MTIF2: variants seen among roughly 807,000 people sequenced by gnomAD.
MTIF2 encodes translation initiation factor IF-2, mitochondrial.
A neutral mutation model predicts 83.5 loss-of-function variants in MTIF2; 71 were observed. The observed-to-expected ratio is 0.85, with a 90% confidence interval of 0.70 to 1.04. MTIF2 has a LOEUF of 1.04. MTIF2 is among the 50% of genes least tolerant of loss of function. MTIF2 has a pLI of 0.00. For synonymous variants in MTIF2, 319 were observed against 287.1 expected, an observed-to-expected ratio of 1.11 and a Z score of -1.12; for missense variants, 957 against 846.5, an observed-to-expected ratio of 1.13 and a Z score of -1.62.
At position 55,262,350 on chromosome 2, in the gene MTIF2, A is replaced by G; in HGVS notation, c.297T>C (p.Ile99=). Residue 99 remains isoleucine (I), a synonymous_variant, in exon 5 of 16, where the codon ATT becomes ATC. Coordinates refer to ENST00000263629, the MANE Select transcript of MTIF2 (RefSeq NM_002453.3). ...KVVEVWIGMT[I]EELARAMEKN... is the part of the protein sequence containing the mutation. ...TTTCCATTGCCCTGGCCAGTTCCTC[A>G]ATAGTCATTCCAATCCATACTTCTA... 1 of 1,613,540 alleles carries G rather than the reference A, an allele frequency of 6.2e-7. No homozygotes were observed. The highest frequency in any genetic ancestry group is 8.5e-7 in the Non-Finnish European group (1 of 1,179,794).
chr2:55,247,827 G>A lies in MTIF2; in HGVS notation c.982-1366C>T, dbSNP rs140048855. 3.0e-3 allele frequency among the ~76,000 whole-genome samples: 463 copies of A among 152,174 alleles called. 3 individuals carry two copies. The highest frequency in any genetic ancestry group is 0.011 in the African/African-American group (451 of 41,516). Reference sequence around the variant, plus strand: ...CTGACACGCCTCCAAATCTGCCTAAGCAGCTTTACATCTACCTACTCATCT... The same window carrying A: ...CTGACACGCCTCCAAATCTGCCTAAACAGCTTTACATCTACCTACTCATCT... On this transcript the variant is annotated intron_variant, in intron 9 of 15. Transcript: ENST00000263629.
rs1676436109 is a variant in MTIF2 at position 55,243,032 on chromosome 2, T to A, written c.1613A>T (p.Tyr538Phe). The A allele has an allele frequency of 1.2e-6, 2 of 1,613,098 alleles. No homozygotes were observed. The highest frequency in any genetic ancestry group is 1.7e-5 in the Admixed American group (1 of 59,682). ...TAGTTCACACTCGTGTGAAGCATCA[T>A]AGGTATCTATAATGTTCAAAATGGC... is the stretch of plus-strand genomic sequence containing the variant. ...VEAILNIIDT[Y>F]DASHECELEL... is the part of the protein sequence containing the mutation. The change falls in exon 13 of 16, where the codon TAT becomes TTT. Residue 538 changes from tyrosine to phenylalanine, a missense_variant. Tyr to Phe is a conservative substitution (Grantham distance 22). This residue lies in a region of MTIF2 where 733 missense variants were observed against 648.7 expected (regional missense o/e 1.13). Coordinates refer to ENST00000263629, the MANE Select transcript of MTIF2 (RefSeq NM_002453.3).
intron 3 of MTIF2, 62 bp from the exon 4 acceptor site, chr2:55,263,927 T>C: frequency 2.4e-6 from 3 of 1,232,508 alleles, no homozygotes; most frequent in Non-Finnish European, 3.5e-6. Flanking sequence ...ATTAATTGGA[T>C]ATTTACTATA....
chr2:55,236,823 TAA>T lies in MTIF2; in HGVS notation c.2012-5_2012-4del, dbSNP rs781177023. Reference sequence around the variant, plus strand: ...GTGTTTCAATGAGGTTAATGAGCCTTAAAAAAGATAATTTAAGGTTAGTATAT... The same window carrying T: ...GTGTTTCAATGAGGTTAATGAGCCTTAAAAGATAATTTAAGGTTAGTATAT... On this transcript the variant is annotated splice_polypyrimidine_tract_variant and splice_region_variant and intron_variant, in intron 15 of 15. Coordinates refer to ENST00000263629, the MANE Select transcript of MTIF2 (RefSeq NM_002453.3). 6.4e-6 allele frequency: 10 copies of T among 1,572,008 alleles called. No individual in the cohort carries two copies. Among genetic ancestry groups the T allele is most frequent in the Non-Finnish European group, 6.9e-6 (8 of 1,165,976 alleles).
At chr2:55,260,064 T>C (rs1231229023) in intron 5 of MTIF2, among the ~76,000 whole-genome samples, 2 of 152,348 alleles carry the variant, frequency 1.3e-5, no homozygotes, top group East Asian at 1.9e-4. Context: ...CAAAGTTTTC[T>C]AGCTATAAAA....
intron 7 of MTIF2, among the ~76,000 whole-genome samples, chr2:55,253,338 T>C (rs55692918): frequency 1.3e-5 from 2 of 152,124 alleles, no homozygotes; most frequent in Admixed American, 6.6e-5. Flanking sequence ...AATAAAAAAA[T>C]TGTAGACTCA....
At chr2:55,240,755 C>T (rs1281175484) in intron 13 of MTIF2, among the ~76,000 whole-genome samples, 2 of 152,024 alleles carry the variant, frequency 1.3e-5, no homozygotes, top group African/African-American at 4.8e-5. Context: ...GTGCCTATAA[C>T]GTGTAAAGCA....
chr2:55,239,968 C>G lies in MTIF2; in HGVS notation c.1870+43G>C, dbSNP rs1239456039. 2.6e-6 allele frequency: 4 copies of G among 1,550,726 alleles called. No individual in the cohort carries two copies. The South Asian group carries it at 4.7e-5, about 18-fold the overall frequency. Reference sequence around the variant, plus strand: ...TGCTTTGAAGTGCTATTTATAGCACCTAATATACTAATTTTTAAAAGTAAC... The same window carrying G: ...TGCTTTGAAGTGCTATTTATAGCACGTAATATACTAATTTTTAAAAGTAAC... On this transcript the variant is annotated intron_variant, in intron 14 of 15. Transcript: ENST00000263629.
At position 55,262,431 on chromosome 2, in the gene MTIF2, T is replaced by TGG; in HGVS notation, c.220-5_220-4insCC. 6.3e-7 allele frequency: 1 copy of TGG among 1,589,910 alleles called. No homozygotes were observed. Among genetic ancestry groups the TGG allele is most frequent in the Non-Finnish European group, 8.6e-7 (1 of 1,165,374 alleles). On this transcript the variant is annotated splice_region_variant and splice_polypyrimidine_tract_variant and intron_variant, in intron 4 of 15. Transcript: ENST00000263629. ...GAGATTTCCATGGTCCTTCTTCCTA[T>TGG]TAAAAAAATCAGAACATATAAACAA...
At chr2:55,239,433 G>A (rs1244639138) in intron 14 of MTIF2, among the ~76,000 whole-genome samples, 1 of 151,944 alleles carries the variant, frequency 6.6e-6, no homozygotes, top group Non-Finnish European at 1.5e-5. Context: ...AAGATATATA[G>A]GAGTTCCTGG....
At position 55,262,385 on chromosome 2, in the gene MTIF2, T is replaced by C. The variant is rs372308152; in HGVS notation, c.262A>G (p.Lys88Glu). The change falls in exon 5 of 16, where the codon AAA becomes GAA. Residue 88 changes from lysine to glutamate, a missense_variant. Physicochemically the swap from Lys to Glu is moderately conservative, Grantham distance 56. Around this residue, in one of 3 missense-constraint regions of MTIF2, gnomAD observed 733 missense variants for 648.7 expected, o/e 1.13. Coordinates refer to ENST00000263629, the MANE Select transcript of MTIF2 (RefSeq NM_002453.3). The stretch of plus-strand genomic sequence containing the variant: ...CCAATCCATACTTCTACCACCTTTT[T>C]AGATTTTGTTGAAGATAACTGAGAT... ...WKSQLSSTKS[K>E]KVVEVWIGMT... 11 of 1,613,724 alleles carry C rather than the reference T, an allele frequency of 6.8e-6. No individual in the cohort carries two copies. The highest frequency in any genetic ancestry group is 6.7e-5 in the East Asian group (3 of 44,838).
chr2:55,265,506 A>G (rs996048765), intron 3 of MTIF2, among the ~76,000 whole-genome samples: 2 of 151,924 alleles, frequency 1.3e-5, no homozygotes, highest in Admixed American at 1.3e-4. Flanking sequence ...TATAAATTGT[A>G]AAGTCATTTT....
chr2:55,254,099 T>A lies in MTIF2; in HGVS notation c.606A>T (p.Lys202Asn). 1 of 1,614,160 alleles carries A rather than the reference T, an allele frequency of 6.2e-7. No homozygotes were observed. The highest frequency in any genetic ancestry group is 2.2e-5 in the East Asian group (1 of 44,882). Residue 202 changes from lysine (K) to asparagine (N), a missense_variant, in exon 7 of 16, where the codon AAA (lysine) becomes AAT (asparagine). Coordinates refer to ENST00000263629, the MANE Select transcript of MTIF2 (RefSeq NM_002453.3). ...CAGTTTCCACTGCTGCCACTTGAGTTTTTCGAAATTTGTCAAGTAATGTCG... is the reference window on the plus strand; with the variant it reads ...CAGTTTCCACTGCTGCCACTTGAGTATTTCGAAATTTGTCAAGTAATGTCG... ...GKTTLLDKFRKTQVAAVETGG... is the reference protein window; with the variant it reads ...GKTTLLDKFRNTQVAAVETGG...
At position 55,255,376 on chromosome 2, in the gene MTIF2, TATATATATTTATATATAGTATTATATATA is replaced by T. The variant is rs1265615377; in HGVS notation, c.332-580_332-552del. ...TATGCATTTCTGTTTAAAGATACTA[TATATATATTTATATATAGTATTATATATA>T]ATATATATTTATATATCTCAATATG... On this transcript the variant is annotated intron_variant, in intron 5 of 15. Transcript: ENST00000263629. 3.7e-4 allele frequency among the ~76,000 whole-genome samples: 54 copies of T among 147,288 alleles called. 1 individual carries two copies. Among genetic ancestry groups the T allele is most frequent in the African/African-American group, 1.3e-3 (54 of 40,666 alleles).
chr2:55,242,157 G>GA (rs58318634), intron 13 of MTIF2, among the ~76,000 whole-genome samples: 7 of 142,558 alleles, frequency 4.9e-5, no homozygotes, highest in African/African-American at 7.9e-5. Context: ...AAAAAAAAAA[G>GA]AAAAAAAAAA....
intron 15 of MTIF2, among the ~76,000 whole-genome samples, 173 bp downstream of exon 15, chr2:55,237,115 T>C (rs1322955663): frequency 2.6e-5 from 4 of 152,126 alleles, no homozygotes; most frequent in Non-Finnish European, 2.9e-5. Context: ...CCAACATACA[T>C]CTCAGGCAAA....
intron 5 of MTIF2, among the ~76,000 whole-genome samples, chr2:55,256,891 T>C (rs2104423678): frequency 6.6e-6 from 1 of 152,038 alleles, no homozygotes; most frequent in African/African-American, 2.4e-5. Flanking sequence ...TAGAGAAGGG[T>C]TCTTGCCATT....
At chr2:55,237,478 A>C (rs777015566) in intron 14 of MTIF2, 50 bp from the exon 15 acceptor site, 2 of 1,518,460 alleles carry the variant, frequency 1.3e-6, no homozygotes, top group South Asian at 1.3e-5. Flanking sequence ...GATTCTGATA[A>C]ATACGTAATT....
At chr2:55,242,096 C>T (rs930811513) in intron 13 of MTIF2, among the ~76,000 whole-genome samples, 3 of 149,960 alleles carry the variant, frequency 2.0e-5, no homozygotes, top group East Asian at 1.9e-4. Context: ...GAGCCGAGAC[C>T]GTGCCACTGC....
Sources: gnomAD v4.1 joint callset for allele counts (sites outside exome capture counted in the v4.1 genomes callset) on GRCh38, gnomAD v4.1.1 for gene constraint, gnomAD v4.1.1 regional missense constraint, MANE v1.5 for transcripts, NCBI Gene and HGNC (gene_info 2026-07-23, HGNC 2026-07-21) for gene names.